Variants in SPATS2 observed in about 807,000 individuals in gnomAD.
The protein encoded by SPATS2 is spermatogenesis-associated serine-rich protein 2.
A neutral mutation model predicts 63.7 loss-of-function variants in SPATS2; 38 were observed. The observed-to-expected ratio is 0.60, with a 90% CI of 0.46 to 0.78. SPATS2 has a LOEUF of 0.78. Ranked by LOEUF, SPATS2 falls within the 30% of genes least tolerant of loss-of-function variation. SPATS2 has a pLI of 0.00. For missense variants in SPATS2, 588 were observed against 666.2 expected (o/e 0.88, Z 1.29); for synonymous variants, 207 against 232.9 (o/e 0.89, Z 1.01).
chr12:49,410,301 C>T (rs1944775277), intron 2 of SPATS2, among the ~76,000 whole-genome samples: 1 of 152,094 alleles, frequency 6.6e-6, no homozygotes, highest in African/African-American at 2.4e-5. Context: ...GTCTCGAACT[C>T]CTGACCTCAA....
chr12:49,490,642 T>TCA, intron 5 of SPATS2, 40 bp from the exon 6 acceptor site: 1 of 1,590,688 alleles, frequency 6.3e-7, no homozygotes, highest in Non-Finnish European at 8.6e-7. Context: ...CTACTGTGTG[T>TCA]GTGGTAGGAG....
rs190059816 is a variant in SPATS2, at chr12:49,453,247, T to G, written c.-243-7523T>G. Among the ~76,000 whole-genome samples the G allele has an allele frequency of 2.9e-3, 435 of 152,284 alleles. 2 individuals carry two copies. Among genetic ancestry groups the G allele is most frequent in the African/African-American group, 1.0e-2 (414 of 41,566 alleles). ...GGGGGCATTTCCAACTCCATGTGGT[T>G]GTTTTTTCACATGCCTTTGGGTCAC... On this transcript the variant is annotated intron_variant, in intron 2 of 13. Coordinates refer to ENST00000552918, the MANE Select transcript of SPATS2 (RefSeq NM_023071.4).
chr12:49,426,253 G>T (rs1286059443), intron 2 of SPATS2, among the ~76,000 whole-genome samples: 4 of 151,642 alleles, frequency 2.6e-5, no homozygotes, highest in Non-Finnish European at 4.4e-5. Context: ...AATCCTTAAG[G>T]GTACAACGTA....
intron 9 of SPATS2, among the ~76,000 whole-genome samples, chr12:49,504,633 A>T (rs1176601246): frequency 6.6e-6 from 1 of 152,040 alleles, no homozygotes; most frequent in Non-Finnish European, 1.5e-5. Flanking sequence ...AGAGAAAAAG[A>T]TTATCAAGAA....
intron 3 of SPATS2, among the ~76,000 whole-genome samples, chr12:49,467,955 G>T (rs1317336040): frequency 6.6e-6 from 1 of 151,634 alleles, no homozygotes; most frequent in East Asian, 1.9e-4. Context: ...GGATGGTCTC[G>T]ATCTCCTGAC....
intron 3 of SPATS2, among the ~76,000 whole-genome samples, chr12:49,464,892 G>A (rs951278027): frequency 5.3e-5 from 8 of 151,940 alleles, no homozygotes; most frequent in African/African-American, 1.9e-4. Flanking sequence ...ATCAATTCCT[G>A]CTCCCTACCC....
At chr12:49,449,619 A>G (rs1945582122) in intron 2 of SPATS2, among the ~76,000 whole-genome samples, 1 of 152,244 alleles carries the variant, frequency 6.6e-6, no homozygotes, top group Non-Finnish European at 1.5e-5. Context: ...TCACAGTTCC[A>G]CATGGCTGGG....
At chr12:49,440,339 A>G (rs904102253) in intron 2 of SPATS2, among the ~76,000 whole-genome samples, 2 of 152,168 alleles carry the variant, frequency 1.3e-5, no homozygotes, top group African/African-American at 2.4e-5. Context: ...TGTCCCATTC[A>G]TGTCCCTTAC....
intron 2 of SPATS2, among the ~76,000 whole-genome samples, chr12:49,378,412 C>T (rs1193202949): frequency 1.3e-5 from 2 of 152,168 alleles, no homozygotes; most frequent in Non-Finnish European, 1.5e-5. Context: ...ATTGTCCTGC[C>T]TCAGCCTCCT....
intron 2 of SPATS2, among the ~76,000 whole-genome samples, chr12:49,447,502 G>A (rs1945535592): frequency 1.3e-5 from 2 of 152,200 alleles, no homozygotes; most frequent in African/African-American, 4.8e-5. Context: ...CTCCCAAAGT[G>A]CTGGGATTAC....
At chr12:49,383,837 G>A (rs1041618546) in intron 2 of SPATS2, among the ~76,000 whole-genome samples, 10 of 151,982 alleles carry the variant, frequency 6.6e-5, no homozygotes, top group Admixed American at 2.0e-4. Context: ...GGTTCTTGTC[G>A]GGCATGTGTG....
At chr12:49,480,086 C>T (rs113071723) in intron 3 of SPATS2, among the ~76,000 whole-genome samples, 8,265 of 152,266 alleles carry the variant, frequency 0.054, 320 homozygotes, top group Non-Finnish European at 0.077. Flanking sequence ...AAGAAAGATA[C>T]AAGCAATCCA....
rs143001322 is a variant in SPATS2, at chr12:49,526,151, G to A, written c.1534G>A (p.Gly512Arg). 3.1e-4 allele frequency: 501 copies of A among 1,614,074 alleles called. 2 individuals carry two copies. Among genetic ancestry groups the A allele is most frequent in the Middle Eastern group, 1.6e-4 (1 of 6,084 alleles). ...CCAGACTCACTCTGCAGGGACCAAT[G>A]GAACTGGAGTCAGCATGGAGCCCAG... The part of the protein sequence containing the change: ...RGQTHSAGTN[G>R]TGVSMEPSPP... Residue 512 changes from glycine (G) to arginine (R), a missense_variant, in exon 14 of 14, where the codon GGA becomes AGA. Transcript: ENST00000552918.
At chr12:49,482,216 G>A (rs1592442648) in intron 3 of SPATS2, among the ~76,000 whole-genome samples, 1 of 152,280 alleles carries the variant, frequency 6.6e-6, no homozygotes, top group East Asian at 1.9e-4. Flanking sequence ...TGTCATTTGT[G>A]CCCTCCTGAC....
chr12:49,412,660 C>T (rs1944817561), intron 2 of SPATS2, among the ~76,000 whole-genome samples: 2 of 151,500 alleles, frequency 1.3e-5, no homozygotes, highest in African/African-American at 4.8e-5. Context: ...GTAGGAGGAT[C>T]GCTTGAAGCC....
intron 2 of SPATS2, chr12:49,390,301 A>G (rs1443319441): frequency 1.4e-5 from 6 of 443,988 alleles, no homozygotes; most frequent in Admixed American, 3.6e-5. Flanking sequence ...GATAGCAACA[A>G]AAACGCATAG....
At chr12:49,468,636 C>G (rs1426835661) in intron 3 of SPATS2, among the ~76,000 whole-genome samples, 1 of 151,968 alleles carries the variant, frequency 6.6e-6, no homozygotes, top group East Asian at 1.9e-4. Context: ...GTCATCATGC[C>G]TGGCTAATTT....
intron 2 of SPATS2, among the ~76,000 whole-genome samples, chr12:49,438,770 C>A (rs1945362605): frequency 6.6e-6 from 1 of 152,108 alleles, no homozygotes; most frequent in Admixed American, 6.6e-5. Flanking sequence ...TGTTATATAA[C>A]CCTCATGATC....
At chr12:49,368,262 G>A (rs1943937952) in intron 1 of SPATS2, among the ~76,000 whole-genome samples, 1 of 152,182 alleles carries the variant, frequency 6.6e-6, no homozygotes, top group African/African-American at 2.4e-5. Flanking sequence ...AGTACAAGCC[G>A]TTCTTTAAAT....
Sources: allele counts gnomAD v4.1 joint callset (sites outside exome capture counted in the v4.1 genomes callset), GRCh38; gene constraint gnomAD v4.1.1; transcripts MANE v1.5; gene names NCBI Gene and HGNC (gene_info 2026-07-23, HGNC 2026-07-21).